Variants in KIFBP observed in about 807,000 individuals in gnomAD.
KIFBP encodes KIF-binding protein.
In KIFBP, 46 loss-of-function variants were observed where a neutral mutation model predicts 58.9. The observed-to-expected ratio is 0.78, with a 90% CI of 0.62 to 1.00. The LOEUF is 1.00. Ranked by LOEUF, KIFBP falls within the 50% of genes least tolerant of loss-of-function variation. KIFBP has a pLI of 0.00. For missense variants in KIFBP, 651 were observed against 752.9 expected (o/e 0.86, Z 1.58); for synonymous variants, 241 against 283.4 (o/e 0.85, Z 1.50).
chr10:69,008,284 G>A (rs1035133550), intron 4 of KIFBP, among the ~76,000 whole-genome samples: 6 of 149,892 alleles, frequency 4.0e-5, no homozygotes, highest in Non-Finnish European at 8.9e-5. Context: ...CTAAAGGTGG[G>A]AGGATCCCTT....
intron 1 of KIFBP, among the ~76,000 whole-genome samples, chr10:68,996,119 C>T (rs1249724800): frequency 1.3e-5 from 2 of 150,320 alleles, no homozygotes; most frequent in Admixed American, 1.3e-4. Flanking sequence ...GATCATGTCA[C>T]AGCACTCCAG....
chr10:69,011,143 A>G, intron 6 of KIFBP, 128 bp downstream of exon 6: 1 of 710,096 alleles, frequency 1.4e-6, no homozygotes, highest in Admixed American at 2.2e-5. Flanking sequence ...ATGTTTTCGT[A>G]AATATTTCTT....
At chr10:69,014,757 A>T (rs973263199) in intron 6 of KIFBP, among the ~76,000 whole-genome samples, 6 of 142,764 alleles carry the variant, frequency 4.2e-5, no homozygotes, top group Non-Finnish European at 7.6e-5. Flanking sequence ...TAAAACTTTA[A>T]CTAGGAAGGT....
chr10:69,016,333 G>T lies in KIFBP; in HGVS notation c.1783G>T (p.Val595Phe), dbSNP rs1839005782. The T allele has an allele frequency of 1.2e-6, 2 of 1,611,206 alleles. No individual in the cohort carries two copies. The highest frequency in any genetic ancestry group is 2.7e-5 in the African/African-American group (2 of 74,690). The change falls in exon 7 of 7, where the codon GTT (valine) becomes TTT (phenylalanine). Residue 595 changes from valine to phenylalanine, a missense_variant. By Grantham distance (50) the Val-to-Phe change is conservative. Transcript: ENST00000361983. ...KHPEAAQEIE[V>F]ELELSKEMVS... ...TCCTGAGGCCGCCCAGGAAATAGAA[G>T]TTGAGCTAGAACTTAGTAAAGAGAT...
At chr10:68,995,497 T>A (rs1190152695) in intron 1 of KIFBP, among the ~76,000 whole-genome samples, 1 of 151,856 alleles carries the variant, frequency 6.6e-6, no homozygotes, top group Non-Finnish European at 1.5e-5. Context: ...ATAAACTCCA[T>A]TTGGTCGTAG....
chr10:68,999,413 T>TA (rs529179791), intron 1 of KIFBP, among the ~76,000 whole-genome samples: 6,654 of 150,184 alleles, frequency 0.044, 161 homozygotes, highest in Middle Eastern at 0.079. Flanking sequence ...CTTTTTTTTT[T>TA]AAAAAAAAAG....
At position 68,996,725 on chromosome 10, in the gene KIFBP, T is replaced by G. The variant is rs185002137; in HGVS notation, c.427-3699T>G. On this transcript the variant is annotated intron_variant, in intron 1 of 6. Coordinates refer to ENST00000361983, the MANE Select transcript of KIFBP (RefSeq NM_015634.4). ...AAAATTAGCCGGGCATGGTGGCGCA[T>G]GTCTGTAATCCCAGTTACCCAGGAG... Among the ~76,000 whole-genome samples, 42 of 150,770 alleles carry G rather than the reference T, an allele frequency of 2.8e-4. No homozygotes were observed. In the East Asian group the frequency reaches 8.0e-3, roughly 29 times the overall value.
chr10:68,999,403 C>CTT (rs553746500), intron 1 of KIFBP, among the ~76,000 whole-genome samples: 8 of 147,736 alleles, frequency 5.4e-5, no homozygotes, highest in Admixed American at 2.0e-4. Context: ...TGGCCTATTT[C>CTT]TTTTTTTTTT....
Position 69,005,918 on chromosome 10 carries a change from A to G in KIFBP, c.789+3A>G. On this transcript the variant is annotated splice_donor_region_variant and intron_variant, in intron 4 of 6. Transcript: ENST00000361983. Reference sequence around the variant, plus strand: ...TGTCACAGTTTTACATCAATAAGGTAAGCTTCTTGAAGTAGTTATCTAACA... The same window carrying G: ...TGTCACAGTTTTACATCAATAAGGTGAGCTTCTTGAAGTAGTTATCTAACA... 2 of 1,611,466 alleles carry G rather than the reference A, an allele frequency of 1.2e-6. No individual in the cohort carries two copies. The highest frequency in any genetic ancestry group is 1.3e-5 in the African/African-American group (1 of 74,986).
chr10:69,014,671 T>A (rs1403449962), intron 6 of KIFBP, among the ~76,000 whole-genome samples: 1 of 144,136 alleles, frequency 6.9e-6, no homozygotes, highest in Admixed American at 7.2e-5. Context: ...AAGAAGAGCT[T>A]ACCCTATTTC....
At position 69,002,085 on chromosome 10, in the gene KIFBP, G is replaced by C. The variant is rs568642391; in HGVS notation, c.525+1563G>C. Among the ~76,000 whole-genome samples, 279 of 152,144 alleles carry C rather than the reference G, an allele frequency of 1.8e-3. 1 individual carries two copies. The highest frequency in any genetic ancestry group is 6.4e-3 in the African/African-American group (266 of 41,522). ...GGAGATTGAGGCAGGAGGGTCGCTT[G>C]AGCCCAGGAGTTTGAGGTTGCAGTG... On this transcript the variant is annotated intron_variant, in intron 2 of 6. Coordinates refer to ENST00000361983, the MANE Select transcript of KIFBP (RefSeq NM_015634.4).
intron 1 of KIFBP, among the ~76,000 whole-genome samples, chr10:68,994,321 A>G (rs1843381641): frequency 1.3e-5 from 2 of 152,184 alleles, no homozygotes; most frequent in Admixed American, 6.5e-5. Context: ...ATACGTATGT[A>G]TGTGTGTGTA....
intron 6 of KIFBP, among the ~76,000 whole-genome samples, chr10:69,012,348 T>C (rs773792725): frequency 1.3e-5 from 2 of 152,144 alleles, no homozygotes; most frequent in Non-Finnish European, 2.9e-5. Context: ...AAATGTTAAC[T>C]ACCATCATCA....
chr10:68,996,864 T>TA (rs869252490), intron 1 of KIFBP, among the ~76,000 whole-genome samples: 2 of 125,722 alleles, frequency 1.6e-5, no homozygotes, highest in African/African-American at 5.2e-5. Flanking sequence ...AAAAATAAAA[T>TA]AAAATAAAAA....
At chr10:68,989,429 T>C (rs918195444) in intron 1 of KIFBP, 171 bp downstream of exon 1, 14 of 708,038 alleles carry the variant, frequency 2.0e-5, no homozygotes, top group Admixed American at 1.0e-4. Flanking sequence ...GCCAGTCTTA[T>C]GGACTTATTG....
At chr10:69,005,540 G>A (rs1843523937) in intron 3 of KIFBP, among the ~76,000 whole-genome samples, 192 bp from the exon 4 acceptor site, 1 of 151,940 alleles carries the variant, frequency 6.6e-6, no homozygotes, top group Admixed American at 6.6e-5. Flanking sequence ...GCCAGGCATG[G>A]TGGCAGGCGC....
In KIFBP at chr10:68,989,248, T is replaced by C. The variant is rs1050330380; in HGVS notation, c.416T>C (p.Ile139Thr). ...TCGCACGACTGCATCTCTCTCTGCA[T>C]CCAGGCGCAGGTGAGAGCGAGCCCG... ...RLSHDCISLC[I>T]QAQNNLGILW... The change falls in exon 1 of 7, where the codon ATC becomes ACC. Residue 139 changes from isoleucine to threonine, a missense_variant. Transcript: ENST00000361983. The C allele has an allele frequency of 6.2e-7, 1 of 1,613,248 alleles. No homozygotes were observed. The highest frequency in any genetic ancestry group is 1.1e-5 in the South Asian group (1 of 91,032).
intron 1 of KIFBP, among the ~76,000 whole-genome samples, chr10:68,990,275 A>T (rs1564633521): frequency 6.6e-6 from 1 of 152,134 alleles, no homozygotes; most frequent in Non-Finnish European, 1.5e-5. Flanking sequence ...CCCATCTGTA[A>T]TCCCAGCATT....
chr10:69,005,866 T>C lies in KIFBP; in HGVS notation c.740T>C (p.Ile247Thr). The C allele has an allele frequency of 1.2e-6, 2 of 1,614,130 alleles. No homozygotes were observed. Among genetic ancestry groups the C allele is most frequent in the Non-Finnish European group, 1.7e-6 (2 of 1,180,016 alleles). Reference protein sequence around the residue: ...RQLEHNAYHPIEWAINAATLS... With the variant: ...RQLEHNAYHPTEWAINAATLS... The stretch of plus-strand genomic sequence containing the variant: ...CTTGAGCACAATGCCTACCATCCTA[T>C]AGAGTGGGCTATCAATGCTGCTACC... Residue 247 changes from isoleucine (I) to threonine (T), a missense_variant, in exon 4 of 7, where the codon ATA (isoleucine) becomes ACA (threonine). Transcript: ENST00000361983.
Sources: allele counts gnomAD v4.1 joint callset (sites outside exome capture counted in the v4.1 genomes callset), GRCh38; gene constraint gnomAD v4.1.1; transcripts MANE v1.5; gene names NCBI Gene and HGNC (gene_info 2026-07-23, HGNC 2026-07-21).